Variants in ARID5B observed in about 807,000 individuals in gnomAD.
The protein encoded by ARID5B is AT-rich interaction domain 5B.
ARID5B carries 13 observed loss-of-function variants against 97.2 expected under a neutral mutation model. That is an observed-to-expected ratio of 0.13 (90% CI 0.09 to 0.21). The LOEUF is 0.21. Ranked by LOEUF, ARID5B falls within the 10% of genes least tolerant of loss-of-function variation. The pLI, the probability that ARID5B is intolerant of heterozygous loss-of-function variation, is 1.00. For synonymous variants in ARID5B, 556 were observed against 570.3 expected (o/e 0.97, Z 0.36); for missense variants, 1,210 against 1,465.3 (o/e 0.83, Z 2.84).
intron 3 of ARID5B, among the ~76,000 whole-genome samples, chr10:61,965,060 C>A (rs555726975): frequency 6.6e-6 from 1 of 152,132 alleles, no homozygotes; most frequent in African/African-American, 2.4e-5. Context: ...AATGAATGTA[C>A]TTTTGTTAGT....
At position 61,995,451 on chromosome 10, in the gene ARID5B, A is replaced by G. The variant is rs12254282; in HGVS notation, c.503-4640A>G. ...TTGTTTCCTGGTGTACTAGGGCAAA[A>G]TAAAATATGCCGACCATTGAACACT... On this transcript the variant is annotated intron_variant, in intron 3 of 9. Transcript: ENST00000279873. 5.0e-3 allele frequency among the ~76,000 whole-genome samples: 763 copies of G among 152,334 alleles called. 3 individuals are homozygous for G. Among genetic ancestry groups the G allele is most frequent in the African/African-American group, 0.017 (723 of 41,574 alleles).
At chr10:61,913,997 C>T (rs927752495) in intron 2 of ARID5B, among the ~76,000 whole-genome samples, 2 of 152,264 alleles carry the variant, frequency 1.3e-5, no homozygotes, top group African/African-American at 4.8e-5. Context: ...GTGATCCACC[C>T]GCCTCAGCCT....
At chr10:62,048,169 G>A (rs1361838465) in intron 4 of ARID5B, among the ~76,000 whole-genome samples, 1 of 152,206 alleles carries the variant, frequency 6.6e-6, no homozygotes, top group Non-Finnish European at 1.5e-5. Context: ...GGCGGGACCA[G>A]TCTATGAGGA....
At chr10:61,986,629 A>C (rs1838850880) in intron 3 of ARID5B, among the ~76,000 whole-genome samples, 1 of 152,140 alleles carries the variant, frequency 6.6e-6, no homozygotes, top group South Asian at 2.1e-4. Context: ...TGTGCATTAA[A>C]ATGTCCATTA....
chr10:62,002,750 T>C (rs890914649), intron 4 of ARID5B, among the ~76,000 whole-genome samples: 1 of 152,226 alleles, frequency 6.6e-6, no homozygotes, highest in Non-Finnish European at 1.5e-5. Flanking sequence ...ATTAAACAAA[T>C]GTTCCTAATA....
chr10:62,031,607 T>C (rs1209674359), intron 4 of ARID5B, among the ~76,000 whole-genome samples: 6 of 152,164 alleles, frequency 3.9e-5, no homozygotes, highest in Non-Finnish European at 7.3e-5. Flanking sequence ...TTATTTGAAA[T>C]GAAAAGACCT....
chr10:61,970,867 T>A (rs1838616526), intron 3 of ARID5B, among the ~76,000 whole-genome samples: 1 of 152,208 alleles, frequency 6.6e-6, no homozygotes, highest in Non-Finnish European at 1.5e-5. Context: ...TTTATGTGAC[T>A]TTCCCCCTAA....
chr10:62,018,668 G>A (rs2132888278), intron 4 of ARID5B, among the ~76,000 whole-genome samples: 1 of 138,020 alleles, frequency 7.2e-6, no homozygotes, highest in East Asian at 2.2e-4. Context: ...TGGGTGTTCA[G>A]ATACAAACAT....
At chr10:61,969,253 G>A (rs1055762843) in intron 3 of ARID5B, among the ~76,000 whole-genome samples, 36 of 152,248 alleles carry the variant, frequency 2.4e-4, no homozygotes, top group African/African-American at 8.4e-4. Context: ...GTCCTAAAAT[G>A]CTTATTTGCT....
chr10:62,090,933 AG>A lies in ARID5B; in HGVS notation c.1471del (p.Ala491GlnfsTer3). ...QKSIPEPLPA[A>X]DMKKKIEGYQ... is the part of the protein sequence containing the mutation. ...AAAGCATCCCTGAGCCTCTCCCAGCAGCAGACATGAAGAAAAAAATAGAAGG... is the reference window on the plus strand; with the variant it reads ...AAAGCATCCCTGAGCCTCTCCCAGCACAGACATGAAGAAAAAAATAGAAGG... On this transcript the variant is annotated frameshift_variant, in exon 10 of 10. Transcript: ENST00000279873. LOFTEE classifies it high-confidence loss of function. 6.2e-7 allele frequency: 1 copy of A among 1,614,064 alleles called. No homozygotes were observed. The highest frequency in any genetic ancestry group is 8.5e-7 in the Non-Finnish European group (1 of 1,179,996).
At chr10:62,042,465 G>A (rs1839650100) in intron 4 of ARID5B, among the ~76,000 whole-genome samples, 1 of 152,186 alleles carries the variant, frequency 6.6e-6, no homozygotes, top group Non-Finnish European at 1.5e-5. Context: ...TTTGTGACTT[G>A]ACAGGACCTT....
At chr10:61,936,283 C>G (rs2132790130) in intron 2 of ARID5B, among the ~76,000 whole-genome samples, 1 of 152,242 alleles carries the variant, frequency 6.6e-6, no homozygotes, top group South Asian at 2.1e-4. Flanking sequence ...ATAGTAAATA[C>G]AAAACAAATA....
chr10:62,064,399 C>A (rs1000625379), intron 7 of ARID5B, among the ~76,000 whole-genome samples: 5 of 152,226 alleles, frequency 3.3e-5, no homozygotes, highest in Admixed American at 6.5e-5. Flanking sequence ...TGCTTTCAGG[C>A]AAACTCTTCT....
At chr10:61,910,509 T>C (rs569681892) in intron 2 of ARID5B, among the ~76,000 whole-genome samples, 27 of 152,136 alleles carry the variant, frequency 1.8e-4, no homozygotes, top group Non-Finnish European at 2.9e-4. Context: ...GATTCCCTCA[T>C]TTCTTGAAGA....
chr10:62,079,587 T>G (rs143240532), intron 8 of ARID5B, among the ~76,000 whole-genome samples: 105 of 152,328 alleles, frequency 6.9e-4, no homozygotes, highest in African/African-American at 2.4e-3. Context: ...AGGAAAGCTG[T>G]CATCCTTGAG....
intron 4 of ARID5B, among the ~76,000 whole-genome samples, chr10:62,043,323 A>C (rs1839665535): frequency 1.3e-5 from 2 of 152,244 alleles, no homozygotes; most frequent in Non-Finnish European, 2.9e-5. Context: ...AGTGAAAAGC[A>C]TCTATAATCC....
At chr10:62,078,444 G>T (rs1488087618) in intron 8 of ARID5B, among the ~76,000 whole-genome samples, 1 of 152,220 alleles carries the variant, frequency 6.6e-6, no homozygotes, top group Admixed American at 6.5e-5. Context: ...AGCCGTGATT[G>T]CATGAGACCC....
intron 2 of ARID5B, among the ~76,000 whole-genome samples, chr10:61,909,323 T>TG (rs1256509023): frequency 7.4e-6 from 1 of 135,894 alleles, no homozygotes; most frequent in African/African-American, 2.8e-5. Context: ...AGTGAGTTTT[T>TG]TTTTTTTTTT....
intron 4 of ARID5B, among the ~76,000 whole-genome samples, chr10:62,024,139 G>A (rs1006794294): frequency 3.9e-5 from 6 of 152,142 alleles, no homozygotes; most frequent in Non-Finnish European, 8.8e-5. Context: ...CAAATATTTA[G>A]GGATAACTTA....
Sources: allele counts gnomAD v4.1 joint callset (sites outside exome capture counted in the v4.1 genomes callset), GRCh38; gene constraint gnomAD v4.1.1; transcripts MANE v1.5; gene names NCBI Gene and HGNC (gene_info 2026-07-23, HGNC 2026-07-21).